The following SLC24A2 variants were observed in gnomAD, a reference collection of about 807,000 sequenced individuals.
The protein encoded by SLC24A2 is solute carrier family 24 member 2.
In SLC24A2, 36 loss-of-function variants were observed where a neutral mutation model predicts 62.0. The observed-to-expected ratio is 0.58, with a 90% CI of 0.44 to 0.77. The LOEUF is 0.77. Among genes scored for constraint, SLC24A2 ranks in the 30% least tolerant of loss-of-function variants. The pLI is 0.00. For missense variants in SLC24A2, 846 were observed against 817.9 expected (o/e 1.03, Z -0.42); for synonymous variants, 358 against 294.0 (o/e 1.22, Z -2.23).
the SLC24A2 span, among the ~76,000 whole-genome samples, chr9:20,254,342 G>GATTTGTTT: frequency 6.6e-6 from 1 of 152,128 alleles, no homozygotes; most frequent in African/African-American, 2.4e-5. Context: ...TCAATTTAAT[G>GATTTGTTT]AGCATTTGTT....
chr9:19,851,214 G>A, the SLC24A2 span, among the ~76,000 whole-genome samples: 1 of 149,196 alleles, frequency 6.7e-6, no homozygotes, highest in Non-Finnish European at 1.5e-5. Flanking sequence ...TAGTAGAGAT[G>A]GGGTTTCACG....
At chr9:20,214,196 G>C in the SLC24A2 span, among the ~76,000 whole-genome samples, 1 of 151,976 alleles carries the variant, frequency 6.6e-6, no homozygotes, top group Non-Finnish European at 1.5e-5. Flanking sequence ...GAGTGGCATC[G>C]TGAGGCGATA....
chr9:19,647,577 T>C (rs1007045750), intron 2 of SLC24A2, among the ~76,000 whole-genome samples: 4 of 152,144 alleles, frequency 2.6e-5, no homozygotes, highest in Non-Finnish European at 4.4e-5. Context: ...AAATGGGACA[T>C]TAATGGCAAT....
At chr9:19,557,513 T>C (rs2132780527) in intron 7 of SLC24A2, among the ~76,000 whole-genome samples, 1 of 152,298 alleles carries the variant, frequency 6.6e-6, no homozygotes, top group East Asian at 1.9e-4. Context: ...AACGTGACCT[T>C]TAATCATCCA....
At chr9:19,558,844 G>C (rs1835244350) in intron 7 of SLC24A2, among the ~76,000 whole-genome samples, 2 of 152,128 alleles carry the variant, frequency 1.3e-5, no homozygotes, top group African/African-American at 4.8e-5. Context: ...TTCCAATTAG[G>C]TTTCCTTGGA....
chr9:19,671,679 T>C (rs933164334), intron 2 of SLC24A2, among the ~76,000 whole-genome samples: 4 of 152,194 alleles, frequency 2.6e-5, no homozygotes, highest in African/African-American at 9.6e-5. Flanking sequence ...CAGTATTAGG[T>C]TGGCTGTGGG....
the SLC24A2 span, among the ~76,000 whole-genome samples, chr9:20,141,770 G>T: frequency 6.6e-6 from 1 of 151,752 alleles, no homozygotes; most frequent in South Asian, 2.1e-4. Flanking sequence ...CACCTAATAC[G>T]CTATAAAGAT....
At chr9:19,578,554 ATTT>A (rs3085618) in intron 5 of SLC24A2, among the ~76,000 whole-genome samples, 6 of 151,308 alleles carry the variant, frequency 4.0e-5, no homozygotes, top group East Asian at 3.9e-4. Context: ...CCCACGATGT[ATTT>A]TTTTTTTTTC....
At chr9:20,103,844 A>G in the SLC24A2 span, among the ~76,000 whole-genome samples, 1 of 152,164 alleles carries the variant, frequency 6.6e-6, no homozygotes, top group East Asian at 1.9e-4. Flanking sequence ...ACAAAGCTGG[A>G]TGGAGAATGA....
chr9:19,659,988 A>G (rs1819050065), intron 2 of SLC24A2, among the ~76,000 whole-genome samples: 1 of 152,234 alleles, frequency 6.6e-6, no homozygotes, highest in South Asian at 2.1e-4. Flanking sequence ...GAGGGGACCA[A>G]GACTTTTTTG....
chr9:20,151,480 T>A, the SLC24A2 span, among the ~76,000 whole-genome samples: 1 of 151,888 alleles, frequency 6.6e-6, no homozygotes, highest in South Asian at 2.1e-4. Context: ...TTTTCTTTTA[T>A]GGGACCACCA....
chr9:20,019,281 AAGAAAGAAAG>A, the SLC24A2 span, among the ~76,000 whole-genome samples: 2 of 149,670 alleles, frequency 1.3e-5, no homozygotes, highest in African/African-American at 5.0e-5. Flanking sequence ...GAAAGAAAGA[AAGAAAGAAAG>A]AAAGAAAGAA....
the SLC24A2 span, among the ~76,000 whole-genome samples, chr9:20,205,681 A>G: frequency 6.6e-6 from 1 of 151,544 alleles, no homozygotes; most frequent in Non-Finnish European, 1.5e-5. Flanking sequence ...AAAACAAACA[A>G]AAAAACGTTT....
chr9:19,688,190 C>T (rs549223609), intron 2 of SLC24A2, among the ~76,000 whole-genome samples: 2 of 152,222 alleles, frequency 1.3e-5, no homozygotes, highest in Admixed American at 6.5e-5. Context: ...GAATATGTTA[C>T]TAATACCCTG....
the SLC24A2 span, among the ~76,000 whole-genome samples, chr9:19,950,171 C>T: frequency 6.6e-6 from 1 of 152,146 alleles, no homozygotes; most frequent in Non-Finnish European, 1.5e-5. Flanking sequence ...CTATGTGGCT[C>T]AGCTTTCTTA....
chr9:19,832,946 T>C, the SLC24A2 span, among the ~76,000 whole-genome samples: 2 of 152,096 alleles, frequency 1.3e-5, no homozygotes, highest in Non-Finnish European at 2.9e-5. Flanking sequence ...GAACAGACAC[T>C]TCTCAAAAGA....
chr9:19,529,754 T>G (rs1586898771), intron 8 of SLC24A2, among the ~76,000 whole-genome samples: 1 of 149,766 alleles, frequency 6.7e-6, no homozygotes. Flanking sequence ...GACCTTCGTT[T>G]TTTTTTTTTT....
the SLC24A2 span, among the ~76,000 whole-genome samples, chr9:19,846,214 T>C: frequency 6.6e-6 from 1 of 152,230 alleles, no homozygotes; most frequent in African/African-American, 2.4e-5. Flanking sequence ...ATTATTATTG[T>C]GTGGCTGTCA....
the SLC24A2 span, among the ~76,000 whole-genome samples, chr9:20,035,223 C>A: frequency 9.2e-5 from 14 of 151,972 alleles, no homozygotes; most frequent in African/African-American, 2.9e-4. Flanking sequence ...ATTTTACACC[C>A]GGAATGAAGT....
Sources: allele counts gnomAD v4.1 joint callset (sites outside exome capture counted in the v4.1 genomes callset), GRCh38; gene constraint gnomAD v4.1.1; transcripts MANE v1.5; gene names NCBI Gene and HGNC (gene_info 2026-07-23, HGNC 2026-07-21).